MACROD2: variants seen among roughly 807,000 people sequenced by gnomAD.
The protein encoded by MACROD2 is ADP-ribose glycohydrolase MACROD2.
In MACROD2, 36 loss-of-function variants were observed where a neutral mutation model predicts 70.4. That is an observed-to-expected ratio of 0.51 (90% CI 0.39 to 0.68). MACROD2 has a LOEUF of 0.68. Ranked by LOEUF, MACROD2 falls within the 30% of genes least tolerant of loss-of-function variation. The pLI is 0.00. For missense variants in MACROD2, 496 were observed against 538.4 expected (o/e 0.92, Z 0.78); for synonymous variants, 172 against 178.8 (o/e 0.96, Z 0.30).
intron 6 of MACROD2, among the ~76,000 whole-genome samples, chr20:15,235,250 C>A (rs1192414074): frequency 6.6e-6 from 1 of 152,100 alleles, no homozygotes; most frequent in African/African-American, 2.4e-5. Context: ...AAAATAAATA[C>A]TAATTGACAT....
chr20:15,616,106 T>A lies in MACROD2; in HGVS notation c.645+116259T>A, dbSNP rs570704061. ...TCCATCAGTTCCCCATTCTTTTTTTTTTTTTTTTTTTTTTGAGACAGAGTC... is the reference window on the plus strand; with the variant it reads ...TCCATCAGTTCCCCATTCTTTTTTTATTTTTTTTTTTTTTGAGACAGAGTC... On this transcript the variant is annotated intron_variant, in intron 8 of 17. Transcript: ENST00000684519. Among the ~76,000 whole-genome samples, 335 of 145,794 alleles carry A rather than the reference T, an allele frequency of 2.3e-3. 5 individuals are homozygous for A. In the South Asian group the frequency reaches 0.047, roughly 20 times the overall value.
Position 15,714,197 on chromosome 20 carries a change from T to C in MACROD2, c.646-148548T>C, listed in dbSNP as rs76566385. 1.6e-3 allele frequency among the ~76,000 whole-genome samples: 244 copies of C among 152,284 alleles called. 5 individuals are homozygous for C. In the East Asian group the frequency reaches 0.036, roughly 22 times the overall value. Reference sequence around the variant, plus strand: ...CCTGCTGATATATCTGCTTATCTCCTTGGCAAGGGCCAACCACAGAACTAA... The same window carrying C: ...CCTGCTGATATATCTGCTTATCTCCCTGGCAAGGGCCAACCACAGAACTAA... On this transcript the variant is annotated intron_variant, in intron 8 of 17. Transcript: ENST00000684519.
intron 5 of MACROD2, among the ~76,000 whole-genome samples, chr20:14,826,758 C>T (rs775536967): frequency 5.9e-5 from 9 of 152,084 alleles, no homozygotes; most frequent in South Asian, 2.1e-4. Context: ...GAAGTATTCA[C>T]GGATGTAACT....
At position 14,453,546 on chromosome 20, in the gene MACROD2, G is replaced by A. The variant is rs554620783; in HGVS notation, c.272-39933G>A. ...CATATGCAGCATGCTTCAGTGATGG[G>A]AAGTTGATCAAATGCTTTAAGTACG... is the stretch of plus-strand genomic sequence containing the variant. On this transcript the variant is annotated intron_variant, in intron 3 of 17. Coordinates refer to ENST00000684519, the MANE Select transcript of MACROD2 (RefSeq NM_001351661.2). Among the ~76,000 whole-genome samples the A allele has an allele frequency of 1.1e-4, 17 of 152,250 alleles. No homozygotes were observed. In the South Asian group the frequency reaches 3.5e-3, roughly 32 times the overall value.
intron 4 of MACROD2, among the ~76,000 whole-genome samples, chr20:14,674,617 G>T (rs1052194844): frequency 6.6e-6 from 1 of 152,050 alleles, no homozygotes; most frequent in East Asian, 1.9e-4. Context: ...TTTCTACTTC[G>T]TAACACTACC....
chr20:15,544,289 G>A (rs1375080062), intron 8 of MACROD2, among the ~76,000 whole-genome samples: 1 of 152,152 alleles, frequency 6.6e-6, no homozygotes, highest in South Asian at 2.1e-4. Context: ...AGTGATTCTT[G>A]TATAGCTACA....
At position 15,483,803 on chromosome 20, in the gene MACROD2, T is replaced by C. The variant is rs76548346; in HGVS notation, c.572-15971T>C. 2.4e-3 allele frequency among the ~76,000 whole-genome samples: 360 copies of C among 152,206 alleles called. 9 individuals carry two copies. The East Asian group carries it at 0.062, about 26-fold the overall frequency. Reference sequence around the variant, plus strand: ...ATATTTTGTTAGATTTACACCTAAGTATTTCATTTTCAGGTAGCTAATATA... The same window carrying C: ...ATATTTTGTTAGATTTACACCTAAGCATTTCATTTTCAGGTAGCTAATATA... On this transcript the variant is annotated intron_variant, in intron 7 of 17. Coordinates refer to ENST00000684519, the MANE Select transcript of MACROD2 (RefSeq NM_001351661.2).
intron 5 of MACROD2, among the ~76,000 whole-genome samples, chr20:15,166,495 C>T (rs2076384907): frequency 6.6e-6 from 1 of 152,102 alleles, no homozygotes. Context: ...AAATAAATTT[C>T]CATTGTTTAT....
At chr20:14,720,955 A>C (rs544849743) in intron 5 of MACROD2, among the ~76,000 whole-genome samples, 1 of 152,114 alleles carries the variant, frequency 6.6e-6, no homozygotes, top group Admixed American at 6.5e-5. Context: ...TAAATTGAAC[A>C]TTAAAACTCA....
At chr20:15,375,378 G>T (rs1425786918) in intron 6 of MACROD2, among the ~76,000 whole-genome samples, 1 of 152,122 alleles carries the variant, frequency 6.6e-6, no homozygotes, top group Non-Finnish European at 1.5e-5. Flanking sequence ...ATTCCAGCTA[G>T]TATTTTAATT....
At chr20:15,906,845 C>T (rs1266248639) in intron 10 of MACROD2, among the ~76,000 whole-genome samples, 1 of 152,212 alleles carries the variant, frequency 6.6e-6, no homozygotes, top group Non-Finnish European at 1.5e-5. Flanking sequence ...CTTCTCATGG[C>T]AGGCTATGAA....
chr20:14,625,984 G>A (rs758892955), intron 4 of MACROD2, among the ~76,000 whole-genome samples: 11 of 152,018 alleles, frequency 7.2e-5, no homozygotes, highest in Non-Finnish European at 1.5e-4. Context: ...CATGATGCCC[G>A]GCTAATTTTT....
At chr20:14,133,749 G>A (rs2054751370) in intron 3 of MACROD2, among the ~76,000 whole-genome samples, 1 of 152,186 alleles carries the variant, frequency 6.6e-6, no homozygotes, top group Non-Finnish European at 1.5e-5. Flanking sequence ...TTTGCATACT[G>A]TGGTGCTACT....
At chr20:14,553,192 AT>A (rs201046281) in intron 4 of MACROD2, among the ~76,000 whole-genome samples, 4,771 of 148,520 alleles carry the variant, frequency 0.032, 237 homozygotes, top group African/African-American at 0.11. Context: ...TTTTTACTTA[AT>A]TTTTTTTTGT....
chr20:15,489,975 G>C (rs2047207242), intron 7 of MACROD2, among the ~76,000 whole-genome samples: 1 of 152,046 alleles, frequency 6.6e-6, no homozygotes, highest in East Asian at 1.9e-4. Context: ...AGGTGGTTTG[G>C]CTTCTAAGAA....
At chr20:14,006,772 A>G (rs978012861) in intron 2 of MACROD2, among the ~76,000 whole-genome samples, 2 of 151,964 alleles carry the variant, frequency 1.3e-5, no homozygotes, top group African/African-American at 4.8e-5. Context: ...GCTGTCCTGC[A>G]GAATTTTTTA....
Position 15,995,736 on chromosome 20 carries a change from A to G in MACROD2, c.1153+8578A>G, listed in dbSNP as rs536742128. 2.1e-5 allele frequency among the ~76,000 whole-genome samples: 3 copies of G among 144,082 alleles called. No individual in the cohort carries two copies. In the East Asian group the frequency reaches 6.2e-4, roughly 30 times the overall value. The allele number at this position is 144,082 out of a possible 152,430, so 94.5% of individuals were successfully genotyped here. ...TTGTCTGTGTCTTATTTCACTCAGCATAATGCCCTCAAGTTTCATCCATGT... is the reference window on the plus strand; with the variant it reads ...TTGTCTGTGTCTTATTTCACTCAGCGTAATGCCCTCAAGTTTCATCCATGT... On this transcript the variant is annotated intron_variant, in intron 15 of 17. Transcript: ENST00000684519.
chr20:15,357,459 G>C (rs2078300680), intron 6 of MACROD2, among the ~76,000 whole-genome samples: 2 of 151,990 alleles, frequency 1.3e-5, no homozygotes, highest in South Asian at 4.2e-4. Context: ...TGTTCCTATT[G>C]TGGCAGGTAC....
At chr20:14,236,910 T>C (rs553300583) in intron 3 of MACROD2, among the ~76,000 whole-genome samples, 2 of 152,330 alleles carry the variant, frequency 1.3e-5, no homozygotes, top group Admixed American at 1.3e-4. Context: ...AATATTTTTC[T>C]TGGATCTAAT....
Sources: gnomAD v4.1 joint callset for allele counts (sites outside exome capture counted in the v4.1 genomes callset) on GRCh38, gnomAD v4.1.1 for gene constraint, MANE v1.5 for transcripts, NCBI Gene and HGNC (gene_info 2026-07-23, HGNC 2026-07-21) for gene names.